The following SASH1 variants were observed in gnomAD, a reference collection of about 807,000 sequenced individuals.
SASH1 encodes SAM and SH3 domain containing 1.
In SASH1, 44 loss-of-function variants were observed where a neutral mutation model predicts 125.2. The observed-to-expected ratio is 0.35, with a 90% confidence interval of 0.28 to 0.45. SASH1 has a LOEUF of 0.45. Among genes scored for constraint, SASH1 ranks in the 20% least tolerant of loss-of-function variants. The pLI, the probability that SASH1 is intolerant of heterozygous loss-of-function variation, is 1.00. For missense variants in SASH1, 1,426 were observed against 1,614.5 expected (o/e 0.88, Z 2.00); for synonymous variants, 639 against 649.1 (o/e 0.98, Z 0.24).
intron 1 of SASH1, among the ~76,000 whole-genome samples, chr6:148,324,049 G>A (rs1437398413): frequency 2.1e-5 from 3 of 143,754 alleles, no homozygotes; most frequent in Admixed American, 7.5e-5. Context: ...GAACCCGGGA[G>A]GCGGAGGTTG....
chr6:148,316,048 G>T (rs1286809432), intron 1 of SASH1, among the ~76,000 whole-genome samples: 2 of 152,102 alleles, frequency 1.3e-5, no homozygotes, highest in Non-Finnish European at 2.9e-5. Context: ...TTGATTTCCT[G>T]GAGCACCAAT....
intron 1 of SASH1, among the ~76,000 whole-genome samples, chr6:148,386,486 A>C (rs1042862785): frequency 6.6e-6 from 1 of 152,148 alleles, no homozygotes; most frequent in Non-Finnish European, 1.5e-5. Context: ...ACCTCTGTGT[A>C]TAAGAGACAG....
intron 1 of SASH1, among the ~76,000 whole-genome samples, chr6:148,317,499 A>T (rs921117306): frequency 6.6e-6 from 1 of 152,228 alleles, no homozygotes; most frequent in African/African-American, 2.4e-5. Flanking sequence ...ACCTCGGCTC[A>T]CCGCAACCTC....
At chr6:148,403,783 C>T (rs776741354) in intron 2 of SASH1, among the ~76,000 whole-genome samples, 6 of 151,828 alleles carry the variant, frequency 4.0e-5, no homozygotes, top group Non-Finnish European at 7.4e-5. Context: ...CCACCCACCT[C>T]GACCTCCCGA....
intron 2 of SASH1, among the ~76,000 whole-genome samples, chr6:148,427,689 T>G (rs1024001601): frequency 1.3e-5 from 2 of 152,208 alleles, no homozygotes; most frequent in Non-Finnish European, 2.9e-5. Context: ...CCCTCTTAGA[T>G]TCAAATTACT....
chr6:148,551,253 A>G lies in SASH1; in HGVS notation c.*2695A>G, dbSNP rs1451798284. 1 of 152,614 alleles carries G rather than the reference A, an allele frequency of 6.6e-6. No homozygotes were observed. 9.5% of individuals were successfully genotyped at this position (152,614 alleles called of 1,614,324 possible). A position where few individuals can be genotyped will look rare whatever the true frequency, so the allele number is the denominator to read the frequency against. ...TGGGGCTGCCTGTGGACATTAGTGA[A>G]CAGGTGGTAGGCTTCAGGAATATCC... On this transcript the variant is annotated 3_prime_UTR_variant, in exon 20 of 20. Transcript: ENST00000367467.
At chr6:148,341,776 T>C (rs1781336041), upstream of SASH1, among the ~76,000 whole-genome samples, 1 of 152,148 alleles carries the variant, frequency 6.6e-6, no homozygotes, top group Admixed American at 6.5e-5. Flanking sequence ...TCACTTTTTT[T>C]TTTCCTTTTA....
At chr6:148,470,038 A>G (rs1057410936) in intron 5 of SASH1, among the ~76,000 whole-genome samples, 4 of 151,794 alleles carry the variant, frequency 2.6e-5, no homozygotes, top group African/African-American at 9.7e-5. Context: ...TAAAAAAAAA[A>G]AAAGAAAGAA....
chr6:148,511,843 C>G (rs2115317787), intron 8 of SASH1, among the ~76,000 whole-genome samples: 1 of 152,080 alleles, frequency 6.6e-6, no homozygotes, highest in East Asian at 1.9e-4. Context: ...CCCCATTTCT[C>G]TTACTGCCCA....
chr6:148,313,246 C>A (rs950847453), intron 1 of SASH1, among the ~76,000 whole-genome samples: 1 of 152,184 alleles, frequency 6.6e-6, no homozygotes. Context: ...CTTTCATAAT[C>A]TCCTGTATAC....
intron 2 of SASH1, among the ~76,000 whole-genome samples, chr6:148,436,446 A>G (rs966615190): frequency 6.6e-6 from 1 of 152,022 alleles, no homozygotes; most frequent in Non-Finnish European, 1.5e-5. Flanking sequence ...TCAAGGCTGC[A>G]GTGAGCCATG....
intron 8 of SASH1, among the ~76,000 whole-genome samples, chr6:148,491,339 G>A (rs1454451019): frequency 6.6e-6 from 1 of 152,130 alleles, no homozygotes; most frequent in Admixed American, 6.5e-5. Context: ...GCATGATCTC[G>A]GCTCACTGCA....
rs368269502 is a variant in SASH1, at chr6:148,284,084, G to A, written n.74+11707G>A. Among the ~76,000 whole-genome samples, 9 of 152,186 alleles carry A rather than the reference G, an allele frequency of 5.9e-5. No individual in the cohort carries two copies. In the South Asian group the frequency reaches 8.3e-4, roughly 14 times the overall value. ...CAATGACCACTATAGGAACCTACCC[G>A]AAGATTTTTGATGACAAGAACTAAT... is the stretch of plus-strand genomic sequence containing the variant. On this transcript the variant is annotated intron_variant and non_coding_transcript_variant, in intron 1 of 3. Coordinates refer to the SASH1 transcript ENST00000367469.
At chr6:148,400,160 G>A (rs1214336072) in intron 2 of SASH1, among the ~76,000 whole-genome samples, 2 of 152,170 alleles carry the variant, frequency 1.3e-5, no homozygotes, top group African/African-American at 2.4e-5. Context: ...ATGTCATTTA[G>A]CGGTGATGTC....
intron 2 of SASH1, among the ~76,000 whole-genome samples, chr6:148,404,116 A>G (rs1221177897): frequency 6.6e-6 from 1 of 152,226 alleles, no homozygotes; most frequent in African/African-American, 2.4e-5. Context: ...TTGCATTCCT[A>G]GACTCATAAA....
intron 17 of SASH1, among the ~76,000 whole-genome samples, chr6:148,543,016 G>A (rs1782325172): frequency 1.3e-5 from 2 of 152,338 alleles, no homozygotes; most frequent in Middle Eastern, 3.4e-3. Flanking sequence ...AGTAGATTAT[G>A]TCTGGTTGAT....
At chr6:148,237,523 GC>G in the SASH1 span, 1 of 152,080 alleles carries the variant, frequency 6.6e-6, no homozygotes, top group Admixed American at 6.6e-5. Flanking sequence ...GTCCTCTACA[GC>G]AGAATTGAAT....
At chr6:148,203,266 C>T in the SASH1 span, among the ~76,000 whole-genome samples, 1 of 152,208 alleles carries the variant, frequency 6.6e-6, no homozygotes. Context: ...CAGGCCAACA[C>T]ACTGCTGTCA....
At chr6:148,244,052 G>A in the SASH1 span, among the ~76,000 whole-genome samples, 1 of 152,162 alleles carries the variant, frequency 6.6e-6, no homozygotes, top group Non-Finnish European at 1.5e-5. Context: ...AAAGCACTCT[G>A]AGACTAGGCT....
Sources: gnomAD v4.1 joint callset for allele counts (sites outside exome capture counted in the v4.1 genomes callset) on GRCh38, gnomAD v4.1.1 for gene constraint, MANE v1.5 for transcripts, NCBI Gene and HGNC (gene_info 2026-07-23, HGNC 2026-07-21) for gene names.